The following RBFOX1 variants were observed in gnomAD, a reference collection of about 807,000 sequenced individuals.
RBFOX1 encodes the protein RNA binding fox-1 homolog 1, also known as RNA binding protein fox-1 homolog 1.
RBFOX1 carries 8 observed loss-of-function variants against 57.7 expected under a neutral mutation model. The ratio of observed to expected loss-of-function variants is 0.14; its 90% CI spans 0.08 to 0.25. The LOEUF is 0.25. RBFOX1 is among the 10% of genes least tolerant of loss of function. The pLI, the probability that RBFOX1 is intolerant of heterozygous loss-of-function variation, is 1.00. For missense variants in RBFOX1, 611 were observed against 548.5 expected, an observed-to-expected ratio of 1.11 and a Z score of -1.14; for synonymous variants, 326 against 222.4, an observed-to-expected ratio of 1.47 and a Z score of -4.15.
At chr16:7,470,912 T>C (rs534289692) in intron 4 of RBFOX1, among the ~76,000 whole-genome samples, 4 of 152,084 alleles carry the variant, frequency 2.6e-5, no homozygotes, top group African/African-American at 9.6e-5. Flanking sequence ...TGCTTTACTT[T>C]TTTTTTTTAA....
At chr16:7,637,179 A>G (rs538376588) in intron 11 of RBFOX1, among the ~76,000 whole-genome samples, 59 of 152,212 alleles carry the variant, frequency 3.9e-4, no homozygotes, top group African/African-American at 1.3e-3. Flanking sequence ...GCCAGAGTTG[A>G]ACAGTAGATC....
Position 6,019,760 on chromosome 16 carries a change from C to T in RBFOX1, c.-359C>T. On this transcript the variant is annotated 5_prime_UTR_variant, in exon 1 of 16. Coordinates refer to ENST00000550418, the MANE Select transcript of RBFOX1 (RefSeq NM_018723.4). This position sits in a 1 kb window ranked among gnomAD's most constrained non-coding sequence, Gnocchi z 4.2. ...TTGAGAGTCCTTGCGCTCCAGACCC[C>T]CACCCAGTGGCCGCCAGGGTCCCCG... 5.7e-6 allele frequency: 8 copies of T among 1,403,484 alleles called. No individual in the cohort carries two copies. In the South Asian group the frequency reaches 1.1e-4, roughly 19 times the overall value. 86.9% of individuals were successfully genotyped at this position (1,403,484 alleles called of 1,614,324 possible).
At chr16:6,466,217 A>T (rs1008948554) in intron 2 of RBFOX1, among the ~76,000 whole-genome samples, 2 of 150,602 alleles carry the variant, frequency 1.3e-5, no homozygotes, top group Admixed American at 1.3e-4. Context: ...GCGACAGATT[A>T]AAACTCTATC....
intron 13 of RBFOX1, among the ~76,000 whole-genome samples, chr16:7,672,467 G>A (rs1480085380): frequency 6.6e-6 from 1 of 152,146 alleles, no homozygotes; most frequent in African/African-American, 2.4e-5. Context: ...GTGAGAAAGA[G>A]GTACTTTGAC....
chr16:6,010,161 T>A (rs1468885546), intron 4 of RBFOX1, among the ~76,000 whole-genome samples: 3 of 152,130 alleles, frequency 2.0e-5, no homozygotes, highest in Non-Finnish European at 4.4e-5. Context: ...TCTGCTAACA[T>A]GCATGCAGGC....
chr16:6,855,594 A>C (rs569639030), intron 3 of RBFOX1, among the ~76,000 whole-genome samples: 1 of 149,392 alleles, frequency 6.7e-6, no homozygotes, highest in African/African-American at 2.5e-5. Flanking sequence ...TGGAGCTTGC[A>C]GTGAGCCTGG....
At position 5,649,652 on chromosome 16, in the gene RBFOX1, T is replaced by A. The variant is rs371221064; in HGVS notation, c.318+50691T>A. ...CTCTGTCATGAATTTATTTTTATCTTCTTTGTCTGTTTTTTGGTACTTTAC... is the reference window on the plus strand; with the variant it reads ...CTCTGTCATGAATTTATTTTTATCTACTTTGTCTGTTTTTTGGTACTTTAC... On this transcript the variant is annotated intron_variant, in intron 3 of 19. Coordinates refer to the RBFOX1 transcript ENST00000641259. Among the ~76,000 whole-genome samples, 9 of 152,342 alleles carry A rather than the reference T, an allele frequency of 5.9e-5. No individual in the cohort carries two copies. The East Asian group carries it at 9.6e-4, about 16-fold the overall frequency.
At chr16:5,411,109 A>T (rs1293770389) in intron 1 of RBFOX1, among the ~76,000 whole-genome samples, 1 of 152,204 alleles carries the variant, frequency 6.6e-6, no homozygotes, top group Non-Finnish European at 1.5e-5. Context: ...TGCATGTGGG[A>T]TAGATATAAT....
intron 4 of RBFOX1, among the ~76,000 whole-genome samples, chr16:7,103,442 C>T (rs1008434104): frequency 2.0e-5 from 3 of 152,102 alleles, no homozygotes; most frequent in Non-Finnish European, 4.4e-5. Context: ...CAGAAGGCCA[C>T]CTTCAGTCCT....
chr16:7,376,818 G>C (rs74010689), intron 4 of RBFOX1, among the ~76,000 whole-genome samples: 1 of 152,118 alleles, frequency 6.6e-6, no homozygotes, highest in East Asian at 1.9e-4. Flanking sequence ...TAGAGATGGG[G>C]AGAATTCAGA....
intron 1 of RBFOX1, among the ~76,000 whole-genome samples, chr16:5,426,509 G>C (rs1207427911): frequency 1.3e-5 from 2 of 152,194 alleles, no homozygotes; most frequent in Non-Finnish European, 2.9e-5. Context: ...GGTCAGCACA[G>C]AGCCACGTGC....
intron 3 of RBFOX1, among the ~76,000 whole-genome samples, chr16:6,850,154 C>A (rs909774203): frequency 5.9e-5 from 9 of 152,246 alleles, no homozygotes; most frequent in East Asian, 1.9e-4. Flanking sequence ...CCTAGGGTTC[C>A]TTTCCCTTTA....
chr16:5,603,519 C>G (rs1026344124), downstream of RBFOX1, among the ~76,000 whole-genome samples: 2 of 152,148 alleles, frequency 1.3e-5, no homozygotes, highest in African/African-American at 4.8e-5. Flanking sequence ...GTCTTAGATG[C>G]AAAGTTAATT....
At chr16:5,490,801 A>T (rs148931675) in intron 2 of RBFOX1, among the ~76,000 whole-genome samples, 1 of 152,294 alleles carries the variant, frequency 6.6e-6, no homozygotes, top group Non-Finnish European at 1.5e-5. Flanking sequence ...CCGCCTCTGC[A>T]CTGGGAGTTT....
chr16:7,032,441 C>CA (rs2043050363), intron 3 of RBFOX1, among the ~76,000 whole-genome samples: 1 of 151,786 alleles, frequency 6.6e-6, no homozygotes, highest in East Asian at 1.9e-4. Flanking sequence ...GACTTCATCT[C>CA]AAAAAACAAA....
intron 5 of RBFOX1, among the ~76,000 whole-genome samples, chr16:7,562,585 C>T (rs2090658323): frequency 6.6e-6 from 1 of 152,182 alleles, no homozygotes; most frequent in African/African-American, 2.4e-5. Flanking sequence ...TGGAAGCCAC[C>T]AGTGGCACCT....
chr16:5,712,688 C>G (rs1648864795), intron 3 of RBFOX1, among the ~76,000 whole-genome samples: 1 of 152,210 alleles, frequency 6.6e-6, no homozygotes, highest in Admixed American at 6.5e-5. Flanking sequence ...TCATAAATAG[C>G]AGAGTCCAGA....
rs538333588 is a variant in RBFOX1 at position 5,252,651 on chromosome 16, A to G, written c.219+12546A>G. 5.9e-5 allele frequency among the ~76,000 whole-genome samples: 9 copies of G among 152,306 alleles called. No homozygotes were observed. In the East Asian group the frequency reaches 1.2e-3, roughly 20 times the overall value. ...GCACCTGCCTGCTCCTGTCTTCTTC[A>G]CGGGGGATGACTTCCCTGCCATCTC... is the stretch of plus-strand genomic sequence containing the variant. On this transcript the variant is annotated intron_variant, in intron 1 of 2. Transcript: ENST00000585867.
intron 2 of RBFOX1, among the ~76,000 whole-genome samples, chr16:5,516,142 G>T (rs8053291): frequency 0.55 from 84,183 of 152,058 alleles, 25,013 homozygotes; most frequent in African/African-American, 0.78. Context: ...CCTGTGTCTG[G>T]TCCTGAGACA....
Sources: allele counts gnomAD v4.1 joint callset (sites outside exome capture counted in the v4.1 genomes callset), GRCh38; gene constraint gnomAD v4.1.1; non-coding constraint Gnocchi (gnomAD v3.1); transcripts MANE v1.5; gene names NCBI Gene and HGNC (gene_info 2026-07-23, HGNC 2026-07-21).